Variants in SFMBT1 observed in about 807,000 individuals in gnomAD.
The protein encoded by SFMBT1 is Scm like with four mbt domains 1.
Under a neutral mutation model 108.7 loss-of-function variants are expected in SFMBT1, and 32 were observed. The observed-to-expected ratio is 0.29, with a 90% confidence interval of 0.22 to 0.40. The LOEUF is 0.40. SFMBT1 is among the 10% of genes least tolerant of loss of function. The probability of loss-of-function intolerance (pLI) is 1.00; values close to 1 mark genes in which losing one functional copy is unlikely to be tolerated. For missense variants in SFMBT1, 816 were observed against 1,059.6 expected, an observed-to-expected ratio of 0.77 and a Z score of 3.19; for synonymous variants, 348 against 369.5, an observed-to-expected ratio of 0.94 and a Z score of 0.67.
intron 2 of SFMBT1, among the ~76,000 whole-genome samples, chr3:52,960,738 A>C (rs954966785): frequency 1.3e-5 from 2 of 152,228 alleles, no homozygotes; most frequent in African/African-American, 4.8e-5. Flanking sequence ...CAATATTCAC[A>C]ATAACCAAAA....
chr3:53,023,093 A>G (rs1199795991), intron 1 of SFMBT1, among the ~76,000 whole-genome samples: 1 of 152,230 alleles, frequency 6.6e-6, no homozygotes. Context: ...CCTTGTTCAT[A>G]AAGTGAGAAG....
intron 1 of SFMBT1, among the ~76,000 whole-genome samples, chr3:53,041,255 G>C (rs1402170557): frequency 6.6e-6 from 1 of 151,992 alleles, no homozygotes; most frequent in African/African-American, 2.4e-5. Flanking sequence ...CTGAGTTAGA[G>C]GAAAAGGTTT....
intron 1 of SFMBT1, among the ~76,000 whole-genome samples, chr3:52,981,862 G>A (rs1477388356): frequency 6.6e-6 from 1 of 152,112 alleles, no homozygotes; most frequent in Admixed American, 6.5e-5. Context: ...CCCACGCCTC[G>A]AAGGGAAAAG....
chr3:52,934,750 T>C, intron 5 of SFMBT1, 63 bp downstream of exon 5: 1 of 1,385,778 alleles, frequency 7.2e-7, no homozygotes, highest in South Asian at 1.3e-5. Flanking sequence ...AGCAACCGAT[T>C]TTAAGATTCT....
At position 52,989,466 on chromosome 3, in the gene SFMBT1, GC is replaced by G. The variant is rs533389096; in HGVS notation, c.-130-20209del. On this transcript the variant is annotated intron_variant, in intron 1 of 20. Coordinates refer to ENST00000394752, the MANE Select transcript of SFMBT1 (RefSeq NM_016329.4). ...AAGAAAGAAAGAAAGAAAGAAACAT[GC>G]CTTCCATAAAACTATTCCTACTAAT... 1.1e-3 allele frequency among the ~76,000 whole-genome samples: 141 copies of G among 131,110 alleles called. 1 individual carries two copies. The highest frequency in any genetic ancestry group is 8.1e-3 in the Middle Eastern group (2 of 248). The allele number at this position is 131,110 out of a possible 152,430, so 86.0% of individuals were successfully genotyped here.
At chr3:52,959,899 A>G (rs778741434) in intron 2 of SFMBT1, among the ~76,000 whole-genome samples, 6 of 152,024 alleles carry the variant, frequency 3.9e-5, no homozygotes, top group Non-Finnish European at 7.4e-5. Flanking sequence ...CCTTCAGAAC[A>G]ATGCTTGTTA....
At chr3:52,929,248 A>G (rs1418012402) in intron 8 of SFMBT1, among the ~76,000 whole-genome samples, 1 of 151,776 alleles carries the variant, frequency 6.6e-6, no homozygotes, top group African/African-American at 2.4e-5. Context: ...TTATTTATTT[A>G]TTTATTTAGA....
intron 8 of SFMBT1, 76 bp from the exon 9 acceptor site, chr3:52,928,417 TA>T: frequency 6.7e-7 from 1 of 1,501,936 alleles, no homozygotes; most frequent in Non-Finnish European, 9.0e-7. Context: ...CAGCCAAACA[TA>T]TTACAAAAGT....
At chr3:53,043,298 C>T (rs777111599) in intron 1 of SFMBT1, 32 of 151,936 alleles carry the variant, frequency 2.1e-4, no homozygotes, top group Non-Finnish European at 3.5e-4. Context: ...CTTAGTCATG[C>T]TGATTTTTTT....
chr3:52,961,695 T>C (rs548924636), intron 2 of SFMBT1, among the ~76,000 whole-genome samples: 5 of 152,342 alleles, frequency 3.3e-5, no homozygotes, highest in Non-Finnish European at 5.9e-5. Flanking sequence ...GTCTTTTCCA[T>C]AGTTTTAATG....
chr3:52,908,003 C>A (rs751648408), intron 17 of SFMBT1, among the ~76,000 whole-genome samples: 3 of 151,650 alleles, frequency 2.0e-5, no homozygotes, highest in Non-Finnish European at 4.4e-5. Flanking sequence ...AGCCACTATT[C>A]TAAACACTAT....
chr3:52,982,596 G>T (rs1440974554), intron 1 of SFMBT1, among the ~76,000 whole-genome samples: 2 of 151,956 alleles, frequency 1.3e-5, no homozygotes, highest in South Asian at 4.2e-4. Context: ...GGACATGGTG[G>T]CATATGCCTG....
rs768549724 is a variant in SFMBT1 at position 52,934,849 on chromosome 3, T to C, written c.417A>G (p.Ile139Met). ...GCGGAACAGGAGGACTACATGCTCCTATCAGGGTCTGCCGCAGAAACTCAT... is the reference window on the plus strand; with the variant it reads ...GCGGAACAGGAGGACTACATGCTCCCATCAGGGTCTGCCGCAGAAACTCAT... Reference protein sequence around the residue: ...DWDEFLRQTLIGACSPPVPLL... With the variant: ...DWDEFLRQTLMGACSPPVPLL... Residue 139 changes from isoleucine (I) to methionine (M), a missense_variant, in exon 5 of 21, where the codon ATA (isoleucine) becomes ATG (methionine). By Grantham distance (10) the Ile-to-Met change is conservative. Transcript: ENST00000394752. 1.9e-6 allele frequency: 3 copies of C among 1,613,706 alleles called. No individual in the cohort carries two copies. Among genetic ancestry groups the C allele is most frequent in the African/African-American group, 1.3e-5 (1 of 74,918 alleles).
At position 52,907,083 on chromosome 3, in the gene SFMBT1, G is replaced by A. The variant is rs186459505; in HGVS notation, c.2317C>T (p.Pro773Ser). The change falls in exon 19 of 21, where the codon CCT (proline) becomes TCT (serine). Residue 773 changes from proline to serine, a missense_variant. Physicochemically the swap from Pro to Ser is moderately conservative, Grantham distance 74. Transcript: ENST00000394752. ...TTAAATGGTACCTTTGGTGAAGGAG[G>A]TTTATTTTCATCGTCAGAAAATGAA... The part of the protein sequence containing the change: ...TFSFSDDENK[P>S]PSPKEIRIEV... 38 of 1,612,106 alleles carry A rather than the reference G, an allele frequency of 2.4e-5. No homozygotes were observed. In the East Asian group the frequency reaches 7.4e-4, roughly 31 times the overall value.
chr3:53,002,400 A>AT lies in SFMBT1; in HGVS notation c.-130-33143dup, dbSNP rs1459423919. ...GGTGACAGAGCGAGACTCCGTCTCA[A>AT]TAAAAAAAAAAAAAAAAAAAGAAAT... On this transcript the variant is annotated intron_variant, in intron 1 of 20. Transcript: ENST00000394752. 1.8e-3 allele frequency among the ~76,000 whole-genome samples: 196 copies of AT among 110,346 alleles called. 3 individuals are homozygous for AT. Among genetic ancestry groups the AT allele is most frequent in the African/African-American group, 5.0e-3 (173 of 34,526 alleles). The allele number at this position is 110,346 out of a possible 152,430, so 72.4% of individuals were successfully genotyped here. A position where few individuals can be genotyped will look rare whatever the true frequency, so the allele number is the denominator to read the frequency against.
intron 1 of SFMBT1, among the ~76,000 whole-genome samples, chr3:53,039,149 AAGGT>A (rs1277439834): frequency 6.6e-6 from 1 of 152,158 alleles, no homozygotes; most frequent in East Asian, 1.9e-4. Context: ...ATCTAAGGAC[AAGGT>A]ACCTGGTTCT....
intron 1 of SFMBT1, among the ~76,000 whole-genome samples, chr3:52,988,790 A>G (rs992658635): frequency 3.3e-5 from 5 of 152,344 alleles, no homozygotes; most frequent in Admixed American, 3.3e-4. Flanking sequence ...ATAATTAATT[A>G]GGAATCTAAA....
chr3:52,927,034 C>T (rs1702680007), intron 9 of SFMBT1, among the ~76,000 whole-genome samples: 2 of 152,152 alleles, frequency 1.3e-5, no homozygotes, highest in African/African-American at 2.4e-5. Flanking sequence ...TCTATAACAA[C>T]ACTGAAAGCT....
chr3:52,920,488 CAGA>C lies in SFMBT1; in HGVS notation c.1372+46_1372+48del, dbSNP rs780901631. The stretch of plus-strand genomic sequence containing the variant: ...TTAGTTTTAATTGGCAGCAGCCACA[CAGA>C]AGATTATTTAACAATCAATCCTCTA... On this transcript the variant is annotated intron_variant, in intron 12 of 20. Transcript: ENST00000394752. 1.2e-5 allele frequency: 17 copies of C among 1,370,442 alleles called. 1 individual carries two copies. In the South Asian group the frequency reaches 2.0e-4, roughly 16 times the overall value. The allele number at this position is 1,370,442 out of a possible 1,614,324, so 84.9% of individuals were successfully genotyped here.
Sources: gnomAD v4.1 joint callset for allele counts (sites outside exome capture counted in the v4.1 genomes callset) on GRCh38, gnomAD v4.1.1 for gene constraint, MANE v1.5 for transcripts, NCBI Gene and HGNC (gene_info 2026-07-23, HGNC 2026-07-21) for gene names.